OLFML2B: variants seen among roughly 807,000 people sequenced by gnomAD.
OLFML2B encodes olfactomedin like 2B, also known as olfactomedin-like protein 2B.
Under a neutral mutation model 74.9 loss-of-function variants are expected in OLFML2B, and 57 were observed. The observed-to-expected ratio is 0.76, with a 90% CI of 0.61 to 0.95. OLFML2B has a LOEUF of 0.95. Among genes scored for constraint, OLFML2B ranks in the 40% least tolerant of loss-of-function variants. The pLI is 0.00. For synonymous variants in OLFML2B, 388 were observed against 405.8 expected (o/e 0.96, Z 0.53); for missense variants, 986 against 970.6 (o/e 1.02, Z -0.21).
chr1:162,011,235 T>C (rs6669543), intron 3 of OLFML2B, among the ~76,000 whole-genome samples: 93,474 of 152,092 alleles, frequency 0.61, 31,084 homozygotes, highest in Non-Finnish European at 0.74. Flanking sequence ...CCTGTGGGCA[T>C]CAGGATTCCC....
chr1:162,007,171 C>G (rs1458523493), intron 3 of OLFML2B, among the ~76,000 whole-genome samples: 1 of 152,178 alleles, frequency 6.6e-6, no homozygotes, highest in Non-Finnish European at 1.5e-5. Flanking sequence ...TGGTGAGTAC[C>G]TCTTGAGTGT....
At chr1:161,988,551 C>T (rs564636495) in intron 6 of OLFML2B, among the ~76,000 whole-genome samples, 6 of 138,996 alleles carry the variant, frequency 4.3e-5, no homozygotes, top group African/African-American at 8.0e-5. Context: ...CCCCCACCCC[C>T]GCTGACACCC....
rs2101981516 is a variant in OLFML2B at position 162,020,190 on chromosome 1, C to T, written c.175-8G>A. On this transcript the variant is annotated splice_region_variant and splice_polypyrimidine_tract_variant and intron_variant, in intron 1 of 7. Coordinates refer to ENST00000294794, the MANE Select transcript of OLFML2B (RefSeq NM_015441.3). ...GTCATAGTCCCCCAGCAACTAGACA[C>T]ACAGAAAACGGGTTAGGGGCATGCA... 1 of 1,613,636 alleles carries T rather than the reference C, an allele frequency of 6.2e-7. No individual in the cohort carries two copies. The highest frequency in any genetic ancestry group is 1.1e-5 in the South Asian group (1 of 91,064).
In OLFML2B at chr1:161,983,977, G is replaced by A. The variant is rs763409504; in HGVS notation, c.1951C>T (p.Leu651Phe). ...FSQEVIVLSK[L>F]NAADLSTQKE... ...TGTGTGCTCAGGTCCGCGGCATTGA[G>A]CTTGCTCAGGACAATGACCTCCTGG... is the stretch of plus-strand genomic sequence containing the variant. The change falls in exon 8 of 8, where the codon CTC becomes TTC. Residue 651 changes from leucine (L) to phenylalanine (F), a missense_variant. Transcript: ENST00000294794. 2.5e-6 allele frequency: 4 copies of A among 1,614,228 alleles called. No homozygotes were observed. Among genetic ancestry groups the A allele is most frequent in the South Asian group, 1.1e-5 (1 of 91,090 alleles).
chr1:161,998,429 G>A, intron 5 of OLFML2B, 80 bp from the exon 6 acceptor site: 3 of 1,459,346 alleles, frequency 2.1e-6, no homozygotes, highest in Admixed American at 4.5e-5. Context: ...CAATGAGCAG[G>A]TGAATTAGAG....
chr1:162,000,378 G>T, intron 4 of OLFML2B, 40 bp from the exon 5 acceptor site: 1 of 1,569,150 alleles, frequency 6.4e-7, no homozygotes. Flanking sequence ...TCAGGTCACT[G>T]GTCAGAGAGG....
At position 162,006,306 on chromosome 1, in the gene OLFML2B, G is replaced by A; in HGVS notation, c.714C>T (p.Ala238=). The stretch of plus-strand genomic sequence containing the variant: ...GAGGCTGGGGCTATACCTCTGGGTG[G>A]GCGTAGGCTGCTGCTGCATCCCTCT... ...ALQRDAAAAY[A]HPEYEERFLQ... Residue 238 remains alanine (A), a synonymous_variant, in exon 4 of 8, where the codon GCC becomes GCT. Transcript: ENST00000294794. 3.1e-6 allele frequency: 5 copies of A among 1,591,448 alleles called. No homozygotes were observed. Among genetic ancestry groups the A allele is most frequent in the East Asian group, 2.2e-5 (1 of 44,564 alleles).
chr1:162,011,968 A>T (rs2101973697), intron 3 of OLFML2B, among the ~76,000 whole-genome samples: 1 of 152,338 alleles, frequency 6.6e-6, no homozygotes, highest in Non-Finnish European at 1.5e-5. Flanking sequence ...ATTAGATTTG[A>T]AGTATATACA....
chr1:162,023,507 G>GGACACCCTCTCGC lies in OLFML2B; in HGVS notation c.-78_-77insGCGAGAGGGTGTC. The GGACACCCTCTCGC allele has an allele frequency of 7.3e-7, 1 of 1,369,794 alleles. No individual in the cohort carries two copies. The highest frequency in any genetic ancestry group is 9.6e-7 in the Non-Finnish European group (1 of 1,041,834). 84.9% of individuals were successfully genotyped at this position (1,369,794 alleles called of 1,614,324 possible). On this transcript the variant is annotated 5_prime_UTR_variant, in exon 1 of 8. Coordinates refer to ENST00000294794, the MANE Select transcript of OLFML2B (RefSeq NM_015441.3). ...GGGGTCTCGGCAAGGACTTCTGCGA[G>GGACACCCTCTCGC]AGGGTGTCCTCGCTAGAGCCCGAAA...
chr1:161,984,361 G>A (rs1247467869), intron 7 of OLFML2B, 85 bp from the exon 8 acceptor site: 18 of 1,486,838 alleles, frequency 1.2e-5, no homozygotes, highest in East Asian at 6.9e-5. Context: ...GATGATCAAC[G>A]AGGGGTCTGG....
At chr1:162,019,508 G>A (rs1011722733) in intron 2 of OLFML2B, among the ~76,000 whole-genome samples, 5 of 152,146 alleles carry the variant, frequency 3.3e-5, no homozygotes, top group African/African-American at 7.2e-5. Flanking sequence ...GCAGGCCCCC[G>A]GCCTCTCCTT....
rs762137327 is a variant in OLFML2B, at chr1:161,984,180, C to T, written c.1748G>A (p.Arg583His). The T allele has an allele frequency of 6.2e-6, 10 of 1,602,090 alleles. No homozygotes were observed. Among genetic ancestry groups the T allele is most frequent in the East Asian group, 4.5e-5 (2 of 44,754 alleles). The change falls in exon 8 of 8, where the codon CGC becomes CAC. Residue 583 changes from arginine (R) to histidine (H), a missense_variant. Transcript: ENST00000294794. The part of the protein sequence containing the change: ...GAFYYNRAFT[R>H]NIIKYDLKQR... ...CTTCAGGTCGTACTTGATGATGTTG[C>T]GGGTGAAGGCGCGATTGTAGTAGAA...
At chr1:162,014,812 C>A (rs1234305133) in intron 3 of OLFML2B, among the ~76,000 whole-genome samples, 1 of 152,176 alleles carries the variant, frequency 6.6e-6, no homozygotes, top group Non-Finnish European at 1.5e-5. Context: ...ACCTCCTTCC[C>A]GAACTCAACT....
At chr1:161,990,591 C>T (rs1194502284) in intron 6 of OLFML2B, among the ~76,000 whole-genome samples, 1 of 152,198 alleles carries the variant, frequency 6.6e-6, no homozygotes, top group Non-Finnish European at 1.5e-5. Context: ...AGTGGGTCGT[C>T]ATCTTTTTGC....
rs375709733 is a variant in OLFML2B, at chr1:161,997,916, C to T, written c.1383G>A (p.Ser461=). ...ACCCAGCAGGAGCATCTTTCCCCAGCGAGTCTGTTCTGACTGTGGTGGGAG... is the reference window on the plus strand; with the variant it reads ...ACCCAGCAGGAGCATCTTTCCCCAGTGAGTCTGTTCTGACTGTGGTGGGAG... ...PVPPTTVRTD[S]LGKDAPAGWG... is the part of the protein sequence containing the mutation. Residue 461 remains serine (S), a synonymous_variant, in exon 6 of 8, where the codon TCG becomes TCA. Coordinates refer to ENST00000294794, the MANE Select transcript of OLFML2B (RefSeq NM_015441.3). 79 of 1,614,068 alleles carry T rather than the reference C, an allele frequency of 4.9e-5. 1 individual carries two copies. In the Middle Eastern group the frequency reaches 9.9e-4, roughly 20 times the overall value.
At chr1:161,990,589 G>A (rs75489989) in intron 6 of OLFML2B, among the ~76,000 whole-genome samples, 2,026 of 152,234 alleles carry the variant, frequency 0.013, 109 homozygotes, top group East Asian at 0.12. Context: ...TCAGTGGGTC[G>A]TCATCTTTTT....
chr1:162,006,806 A>C (rs1157181801), intron 3 of OLFML2B, among the ~76,000 whole-genome samples: 1 of 152,230 alleles, frequency 6.6e-6, no homozygotes, highest in Non-Finnish European at 1.5e-5. Flanking sequence ...GTCCACTCTT[A>C]TCCAGTGTTG....
chr1:161,984,161 G>C lies in OLFML2B; in HGVS notation c.1767C>G (p.Asp589Glu), dbSNP rs747387593. Residue 589 changes from aspartate (D) to glutamate (E), a missense_variant, in exon 8 of 8, where the codon GAC becomes GAG. By Grantham distance (45) the Asp-to-Glu change is conservative. Coordinates refer to ENST00000294794, the MANE Select transcript of OLFML2B (RefSeq NM_015441.3). Reference sequence around the variant, plus strand: ...AGGCAGCCACGTAGCGCTGCTTCAGGTCGTACTTGATGATGTTGCGGGTGA... The same window carrying C: ...AGGCAGCCACGTAGCGCTGCTTCAGCTCGTACTTGATGATGTTGCGGGTGA... ...RAFTRNIIKYDLKQRYVAAWA... is the reference protein window; with the variant it reads ...RAFTRNIIKYELKQRYVAAWA... 1 of 1,608,754 alleles carries C rather than the reference G, an allele frequency of 6.2e-7. No homozygotes were observed. The highest frequency in any genetic ancestry group is 1.3e-5 in the African/African-American group (1 of 74,812).
intron 3 of OLFML2B, among the ~76,000 whole-genome samples, chr1:162,009,187 C>A (rs1317457864): frequency 7.1e-6 from 1 of 140,774 alleles, no homozygotes; most frequent in African/African-American, 2.8e-5. Context: ...GTGAAAAGTG[C>A]TCTGCAGAAA....
Sources: allele counts gnomAD v4.1 joint callset (sites outside exome capture counted in the v4.1 genomes callset), GRCh38; gene constraint gnomAD v4.1.1; transcripts MANE v1.5; gene names NCBI Gene and HGNC (gene_info 2026-07-23, HGNC 2026-07-21).